The following LOXL1 variants were observed in gnomAD, a reference collection of about 807,000 sequenced individuals.
LOXL1 encodes the protein lysyl oxidase homolog 1.
Under a neutral mutation model 62.2 loss-of-function variants are expected in LOXL1, and 31 were observed. The observed-to-expected ratio is 0.50, with a 90% confidence interval of 0.37 to 0.67. The LOEUF is 0.67. Ranked by LOEUF, LOXL1 falls within the 30% of genes least tolerant of loss-of-function variation. The pLI, the probability that LOXL1 is intolerant of heterozygous loss-of-function variation, is 0.00. For missense variants in LOXL1, 775 were observed against 843.4 expected (o/e 0.92, Z 1.00); for synonymous variants, 403 against 384.4 (o/e 1.05, Z -0.56).
Position 73,926,640 on chromosome 15 carries a change from C to T in LOXL1, c.-144C>T. 3 of 983,258 alleles carry T rather than the reference C, an allele frequency of 3.1e-6. No homozygotes were observed. Among genetic ancestry groups the T allele is most frequent in the Non-Finnish European group, 4.1e-6 (3 of 732,188 alleles). The allele number at this position is 983,258 out of a possible 1,614,324, so 60.9% of individuals were successfully genotyped here. On this transcript the variant is annotated 5_prime_UTR_variant, in exon 1 of 7. Coordinates refer to ENST00000261921, the MANE Select transcript of LOXL1 (RefSeq NM_005576.4). ...TGCTGTCATCGGAGGAGCCGTCCCG[C>T]TCGGGACAAGGCCAGCATGGACAAA...
chr15:73,927,615 C>T lies in LOXL1; in HGVS notation c.832C>T (p.Leu278=). 6.7e-7 allele frequency: 1 copy of T among 1,497,166 alleles called. No individual in the cohort carries two copies. The highest frequency in any genetic ancestry group is 8.8e-7 in the Non-Finnish European group (1 of 1,130,120). The allele number at this position is 1,497,166 out of a possible 1,614,324, so 92.7% of individuals were successfully genotyped here. ...DGLDRRYSHS[L]YSEGTPGFEQ... ...CCTGGACCGCCGCTACTCGCACAGT[C>T]TGTACAGCGAGGGCACCCCCGGCTT... The change falls in exon 1 of 7, where the codon CTG becomes TTG. Residue 278 remains leucine (L), a synonymous_variant. Transcript: ENST00000261921.
At chr15:73,928,015 C>G (rs940161798) in intron 1 of LOXL1, 130 bp downstream of exon 1, 5 of 849,876 alleles carry the variant, frequency 5.9e-6, no homozygotes, top group Non-Finnish European at 7.9e-6. Flanking sequence ...GAGCAGCGCC[C>G]CCTCCCGACT....
chr15:73,934,678 G>A (rs902402427), intron 1 of LOXL1, among the ~76,000 whole-genome samples: 1 of 152,162 alleles, frequency 6.6e-6, no homozygotes, highest in Non-Finnish European at 1.5e-5. Flanking sequence ...CTAGAGCTGG[G>A]TATTCATTCG....
At chr15:73,939,318 G>A (rs1008657798) in intron 1 of LOXL1, among the ~76,000 whole-genome samples, 2 of 152,128 alleles carry the variant, frequency 1.3e-5, no homozygotes, top group African/African-American at 2.4e-5. Flanking sequence ...CTGGGACCTC[G>A]GCAAGGATCC....
At chr15:73,936,711 C>T (rs371451678) in intron 1 of LOXL1, among the ~76,000 whole-genome samples, 2 of 152,204 alleles carry the variant, frequency 1.3e-5, no homozygotes, top group African/African-American at 2.4e-5. Flanking sequence ...GAGGTGTGGA[C>T]GAGCAATGGG....
chr15:73,926,836 G>T lies in LOXL1; in HGVS notation c.53G>T (p.Cys18Phe), dbSNP rs768596918. 1 of 1,534,952 alleles carries T rather than the reference G, an allele frequency of 6.5e-7. No homozygotes were observed. Among genetic ancestry groups the T allele is most frequent in the South Asian group, 1.2e-5 (1 of 82,504 alleles). Residue 18 changes from cysteine to phenylalanine, a missense_variant, in exon 1 of 7, where the codon TGC becomes TTC. Cys to Phe is a radical substitution (Grantham distance 205). Transcript: ENST00000261921. ...RQLGALVWGA[C>F]LCVLVHGQQA... ...CTGGGGGCCCTGGTGTGGGGCGCCT[G>T]CCTGTGCGTGCTGGTGCACGGGCAG...
At chr15:73,940,177 G>A (rs1028474389) in intron 1 of LOXL1, among the ~76,000 whole-genome samples, 1 of 152,142 alleles carries the variant, frequency 6.6e-6, no homozygotes, top group African/African-American at 2.4e-5. Context: ...AGAATTTTGT[G>A]CAGTCTGAGA....
At chr15:73,936,167 G>A (rs1381723532) in intron 1 of LOXL1, among the ~76,000 whole-genome samples, 2 of 152,026 alleles carry the variant, frequency 1.3e-5, no homozygotes, top group Non-Finnish European at 2.9e-5. Context: ...GATTCTGTGG[G>A]CAATGGGGAG....
intron 6 of LOXL1, 70 bp from the exon 7 acceptor site, chr15:73,951,761 G>A (rs1454366085): frequency 4.3e-6 from 6 of 1,401,846 alleles, no homozygotes; most frequent in South Asian, 1.5e-5. Context: ...TGGGAGGGAC[G>A]CCCTGGCTGA....
chr15:73,936,338 C>T (rs925711519), intron 1 of LOXL1, among the ~76,000 whole-genome samples: 1 of 152,210 alleles, frequency 6.6e-6, no homozygotes, highest in Non-Finnish European at 1.5e-5. Context: ...AGTTAATTTC[C>T]TGATTATGAG....
chr15:73,948,287 C>T (rs1439658150), intron 5 of LOXL1, among the ~76,000 whole-genome samples: 1 of 152,172 alleles, frequency 6.6e-6, no homozygotes, highest in African/African-American at 2.4e-5. Context: ...CCCTCAGCTC[C>T]TTATAGGGAC....
intron 1 of LOXL1, among the ~76,000 whole-genome samples, chr15:73,933,951 A>G (rs751167997): frequency 2.0e-5 from 3 of 152,342 alleles, no homozygotes; most frequent in Non-Finnish European, 4.4e-5. Context: ...TCACAGGGTG[A>G]GGGTTGGGTC....
rs1261701920 is a variant in LOXL1 at position 73,942,999 on chromosome 15, A to G, written c.1211+37A>G. On this transcript the variant is annotated intron_variant, in intron 2 of 6. Coordinates refer to ENST00000261921, the MANE Select transcript of LOXL1 (RefSeq NM_005576.4). ...AGGCAGAAGTGTAGAGTGTTGGGAT[A>G]GTCCCCGGGAGTCACCCAGAACCCA... The G allele has an allele frequency of 3.3e-6, 5 of 1,502,760 alleles. No individual in the cohort carries two copies. The African/African-American group carries it at 4.1e-5, about 12-fold the overall frequency. The allele number at this position is 1,502,760 out of a possible 1,614,324, so 93.1% of individuals were successfully genotyped here. A position where few individuals can be genotyped will look rare whatever the true frequency, so the allele number is the denominator to read the frequency against.
chr15:73,940,862 T>C (rs1343080408), intron 1 of LOXL1, among the ~76,000 whole-genome samples: 3 of 152,150 alleles, frequency 2.0e-5, no homozygotes, highest in African/African-American at 7.2e-5. Context: ...CCAACTTCCC[T>C]GGGTTGCATA....
At chr15:73,929,227 C>G (rs994472680) in intron 1 of LOXL1, among the ~76,000 whole-genome samples, 1 of 152,238 alleles carries the variant, frequency 6.6e-6, no homozygotes, top group Non-Finnish European at 1.5e-5. Context: ...CAGTCCAACT[C>G]TGCCTTGCCT....
At chr15:73,946,625 C>T in intron 3 of LOXL1, 71 bp downstream of exon 3, 1 of 1,514,150 alleles carries the variant, frequency 6.6e-7, no homozygotes, top group Admixed American at 2.0e-5. Context: ...TGCCTGAGCT[C>T]CCCTCCCACC....
chr15:73,928,039 C>A, intron 1 of LOXL1, 154 bp downstream of exon 1: 2 of 575,628 alleles, frequency 3.5e-6, no homozygotes, highest in Non-Finnish European at 5.2e-6. Flanking sequence ...CCCGACCCAG[C>A]CAACAGCACC....
chr15:73,934,909 C>T (rs1422186036), intron 1 of LOXL1, among the ~76,000 whole-genome samples: 1 of 152,124 alleles, frequency 6.6e-6, no homozygotes. Context: ...AGCCATGCAG[C>T]TGTCTGCAGG....
intron 2 of LOXL1, 28 bp downstream of exon 2, chr15:73,942,990 T>C (rs771590166): frequency 5.7e-6 from 9 of 1,567,372 alleles, no homozygotes; most frequent in South Asian, 1.1e-5. Flanking sequence ...AAGTGTAGAG[T>C]GTTGGGATAG....
Sources: gnomAD v4.1 joint callset for allele counts (sites outside exome capture counted in the v4.1 genomes callset) on GRCh38, gnomAD v4.1.1 for gene constraint, MANE v1.5 for transcripts, NCBI Gene and HGNC (gene_info 2026-07-23, HGNC 2026-07-21) for gene names.